The following RNGTT variants were observed in gnomAD, a reference collection of about 807,000 sequenced individuals.
The protein encoded by RNGTT is mRNA-capping enzyme.
In RNGTT, 33 loss-of-function variants were observed where a neutral mutation model predicts 79.3. The observed-to-expected ratio is 0.42, with a 90% CI of 0.32 to 0.56. The LOEUF (loss-of-function observed/expected upper bound fraction) is 0.56, where lower values mean the gene tolerates loss of function less well. RNGTT is among the 20% of genes least tolerant of loss of function. The pLI, the probability that RNGTT is intolerant of heterozygous loss-of-function variation, is 0.17. For synonymous variants in RNGTT, 222 were observed against 235.9 expected (o/e 0.94, Z 0.54); for missense variants, 497 against 739.1 (o/e 0.67, Z 3.80).
chr6:88,617,976 A>G (rs773376765), intron 14 of RNGTT, among the ~76,000 whole-genome samples: 2 of 152,054 alleles, frequency 1.3e-5, no homozygotes, highest in African/African-American at 2.4e-5. Flanking sequence ...ACTTTACAAG[A>G]ATGGCTTGCT....
intron 8 of RNGTT, 120 bp downstream of exon 8, chr6:88,890,375 T>C: frequency 3.1e-6 from 2 of 643,306 alleles, no homozygotes; most frequent in Non-Finnish European, 2.6e-6. Flanking sequence ...TTTTGAAACA[T>C]TTATTTTGCT....
chr6:88,711,409 T>TTA (rs1361998908), intron 13 of RNGTT, among the ~76,000 whole-genome samples: 2 of 152,200 alleles, frequency 1.3e-5, no homozygotes, highest in Non-Finnish European at 2.9e-5. Flanking sequence ...TTCAGTAATA[T>TTA]TATATAACAT....
intron 13 of RNGTT, among the ~76,000 whole-genome samples, chr6:88,707,432 G>C (rs1434129283): frequency 6.6e-6 from 1 of 151,944 alleles, no homozygotes; most frequent in African/African-American, 2.4e-5. Flanking sequence ...GGAGTATACA[G>C]GTCTTGAGCC....
At chr6:88,799,700 C>CAAAAAA (rs36033019) in intron 12 of RNGTT, among the ~76,000 whole-genome samples, 8 of 46,184 alleles carry the variant, frequency 1.7e-4, no homozygotes, top group South Asian at 6.8e-4. Context: ...AACTCCATCT[C>CAAAAAA]AAAAAAAAAA....
At chr6:88,946,431 A>G (rs1221062465) in intron 1 of RNGTT, among the ~76,000 whole-genome samples, 1 of 151,656 alleles carries the variant, frequency 6.6e-6, no homozygotes, top group Non-Finnish European at 1.5e-5. Flanking sequence ...TATTGAAATT[A>G]GGCCAATTAA....
intron 12 of RNGTT, among the ~76,000 whole-genome samples, chr6:88,770,810 TA>T (rs1189308657): frequency 6.6e-6 from 1 of 152,212 alleles, no homozygotes; most frequent in Admixed American, 6.5e-5. Flanking sequence ...TTAGCCTTTC[TA>T]AAGTGTGTGT....
intron 13 of RNGTT, among the ~76,000 whole-genome samples, chr6:88,748,211 T>C (rs1777727258): frequency 6.6e-6 from 1 of 152,060 alleles, no homozygotes; most frequent in African/African-American, 2.4e-5. Context: ...GTTATCATCC[T>C]GAAACCCAGC....
At chr6:88,629,346 A>G (rs1214106102) in intron 14 of RNGTT, among the ~76,000 whole-genome samples, 1 of 152,186 alleles carries the variant, frequency 6.6e-6, no homozygotes, top group African/African-American at 2.4e-5. Flanking sequence ...TGCAGGGGGA[A>G]AAAAGATGCA....
chr6:88,628,036 A>C lies in RNGTT; in HGVS notation c.1507-13641T>G, dbSNP rs533722394. Reference sequence around the variant, plus strand: ...CAACTATATTTCTTCTACTTTGAGAAAGAAATCTTGAAGTTATTGACAAAG... The same window carrying C: ...CAACTATATTTCTTCTACTTTGAGACAGAAATCTTGAAGTTATTGACAAAG... On this transcript the variant is annotated intron_variant, in intron 14 of 15. Transcript: ENST00000369485. Among the ~76,000 whole-genome samples the C allele has an allele frequency of 2.0e-5, 3 of 152,302 alleles. No homozygotes were observed. The East Asian group carries it at 5.8e-4, about 29-fold the overall frequency.
chr6:88,874,268 C>T (rs1165776118), intron 8 of RNGTT, among the ~76,000 whole-genome samples: 1 of 152,054 alleles, frequency 6.6e-6, no homozygotes, highest in Non-Finnish European at 1.5e-5. Context: ...ACATTTATTG[C>T]TCTAAAGATT....
intron 14 of RNGTT, among the ~76,000 whole-genome samples, chr6:88,631,199 C>A (rs1296244629): frequency 6.6e-6 from 1 of 152,192 alleles, no homozygotes; most frequent in Admixed American, 6.5e-5. Flanking sequence ...ACGAAAAGTT[C>A]TTTGACAATT....
chr6:88,631,869 CAG>C, intron 14 of RNGTT, among the ~76,000 whole-genome samples: 1 of 151,854 alleles, frequency 6.6e-6, no homozygotes, highest in Admixed American at 6.6e-5. Flanking sequence ...GAGTTAGTAA[CAG>C]AGAACTGTGA....
At chr6:88,917,564 G>T (rs1225329355) in intron 4 of RNGTT, among the ~76,000 whole-genome samples, 1 of 152,118 alleles carries the variant, frequency 6.6e-6, no homozygotes, top group Non-Finnish European at 1.5e-5. Context: ...TTTAAGCATG[G>T]CAATAAAATT....
intron 14 of RNGTT, among the ~76,000 whole-genome samples, chr6:88,617,236 C>G (rs944604635): frequency 9.8e-5 from 15 of 152,320 alleles, no homozygotes; most frequent in Admixed American, 7.2e-4. Context: ...TGCCACTGCA[C>G]TCCAGCCTGG....
chr6:88,764,461 C>T (rs1477499230), intron 13 of RNGTT, among the ~76,000 whole-genome samples: 6 of 152,146 alleles, frequency 3.9e-5, no homozygotes, highest in Admixed American at 3.9e-4. Context: ...TTTTAGAATA[C>T]TATTAGCAAC....
chr6:88,846,255 T>TCA lies in RNGTT; in HGVS notation c.1105-1736_1105-1735dup, dbSNP rs374888965. ...TCCCTGTTTTCAGTTCTTACTCCCT[T>TCA]CAAAACACTATCCATGCTGCCACTA... is the stretch of plus-strand genomic sequence containing the variant. On this transcript the variant is annotated intron_variant, in intron 10 of 15. Transcript: ENST00000369485. Among the ~76,000 whole-genome samples the TCA allele has an allele frequency of 2.4e-3, 367 of 152,296 alleles. 1 individual carries two copies. Among genetic ancestry groups the TCA allele is most frequent in the African/African-American group, 8.4e-3 (348 of 41,572 alleles).
intron 8 of RNGTT, among the ~76,000 whole-genome samples, chr6:88,878,003 A>C (rs1196198238): frequency 6.6e-6 from 1 of 152,196 alleles, no homozygotes; most frequent in Non-Finnish European, 1.5e-5. Flanking sequence ...ACATTAACTG[A>C]GTCCTAAAAT....
At chr6:88,780,804 T>C (rs1204271074) in intron 12 of RNGTT, among the ~76,000 whole-genome samples, 3 of 152,198 alleles carry the variant, frequency 2.0e-5, no homozygotes, top group Non-Finnish European at 4.4e-5. Flanking sequence ...AGGTAGAAGA[T>C]GGCCATATGC....
At chr6:88,859,145 C>T (rs1781927896) in intron 8 of RNGTT, among the ~76,000 whole-genome samples, 1 of 151,952 alleles carries the variant, frequency 6.6e-6, no homozygotes, top group African/African-American at 2.4e-5. Flanking sequence ...GCATAAGTCA[C>T]CGTACTCAGT....
Sources: gnomAD v4.1 joint callset for allele counts (sites outside exome capture counted in the v4.1 genomes callset) on GRCh38, gnomAD v4.1.1 for gene constraint, MANE v1.5 for transcripts, NCBI Gene and HGNC (gene_info 2026-07-23, HGNC 2026-07-21) for gene names.